Variants in SRD5A2 observed in about 807,000 individuals in gnomAD.
SRD5A2 encodes the protein 3-oxo-5-alpha-steroid 4-dehydrogenase 2.
SRD5A2 carries 30 observed loss-of-function variants against 27.4 expected under a neutral mutation model. The ratio of observed to expected loss-of-function variants is 1.10; its 90% CI spans 0.82 to 1.49. The LOEUF is 1.49. Ranked by LOEUF, SRD5A2 falls within the 40% of genes most tolerant of loss-of-function variation. The probability of loss-of-function intolerance (pLI) is 0.00; values close to 1 mark genes in which losing one functional copy is unlikely to be tolerated. For missense variants in SRD5A2, 348 were observed against 323.4 expected, an observed-to-expected ratio of 1.08 and a Z score of -0.58; for synonymous variants, 141 against 133.6, an observed-to-expected ratio of 1.06 and a Z score of -0.38.
chr2:31,552,876 G>A (rs1453864405), intron 1 of SRD5A2, among the ~76,000 whole-genome samples: 1 of 152,132 alleles, frequency 6.6e-6, no homozygotes, highest in East Asian at 1.9e-4. Context: ...TAAAAAATCT[G>A]GGAAACATGA....
At chr2:31,557,854 C>T (rs1170449425) in intron 1 of SRD5A2, among the ~76,000 whole-genome samples, 1 of 152,200 alleles carries the variant, frequency 6.6e-6, no homozygotes, top group Non-Finnish European at 1.5e-5. Context: ...CGAAAGCAGC[C>T]TCCTAGAGCC....
chr2:31,580,723 A>C lies in SRD5A2; in HGVS notation c.178T>G (p.Ser60Ala). 6.2e-7 allele frequency: 1 copy of C among 1,607,690 alleles called. No homozygotes were observed. Among genetic ancestry groups the C allele is most frequent in the Non-Finnish European group, 8.5e-7 (1 of 1,179,374 alleles). ...AGGATCCCCGCGGGCACCGCGAAGG[A>C]AGGCAGCTCCTGCAGGAACCAGGCG... ...RAAWFLQELP[S>A]FAVPAGILAR... The change falls in exon 1 of 5, where the codon TCC becomes GCC. Residue 60 changes from serine to alanine, a missense_variant. Coordinates refer to ENST00000622030, the MANE Select transcript of SRD5A2 (RefSeq NM_000348.4).
At chr2:31,526,919 C>A (rs1477656285) in intron 4 of SRD5A2, 3 of 152,066 alleles carry the variant, frequency 2.0e-5, no homozygotes, top group East Asian at 3.9e-4. Flanking sequence ...GGAGAAGAGA[C>A]AAAGAGACTG....
upstream of SRD5A2, among the ~76,000 whole-genome samples, chr2:31,583,712 T>C (rs1667127721): frequency 6.6e-6 from 1 of 151,114 alleles, no homozygotes; most frequent in African/African-American, 2.4e-5. Context: ...TAAGTTAATT[T>C]TGTCTGCTTT....
At chr2:31,611,601 T>G in the SRD5A2 span, among the ~76,000 whole-genome samples, 1 of 152,178 alleles carries the variant, frequency 6.6e-6, no homozygotes, top group Non-Finnish European at 1.5e-5. Flanking sequence ...GTGCTCAACA[T>G]AATCCTGAAA....
chr2:31,591,390 C>T, the SRD5A2 span, among the ~76,000 whole-genome samples: 1 of 152,112 alleles, frequency 6.6e-6, no homozygotes, highest in Non-Finnish European at 1.5e-5. Flanking sequence ...CAATAAGATA[C>T]CATCTCACGC....
At chr2:31,572,892 A>T (rs1006334412) in intron 1 of SRD5A2, among the ~76,000 whole-genome samples, 8 of 152,096 alleles carry the variant, frequency 5.3e-5, no homozygotes. Flanking sequence ...AGCAAATATT[A>T]AAAAAAAGAA....
At chr2:31,619,170 T>G in the SRD5A2 span, among the ~76,000 whole-genome samples, 2 of 152,130 alleles carry the variant, frequency 1.3e-5, no homozygotes, top group African/African-American at 4.8e-5. Context: ...TAACAAATGT[T>G]AACAAGGATA....
At chr2:31,534,855 G>T (rs1195544546) in intron 1 of SRD5A2, among the ~76,000 whole-genome samples, 1 of 152,112 alleles carries the variant, frequency 6.6e-6, no homozygotes, top group Admixed American at 6.6e-5. Flanking sequence ...TTCATGTCAG[G>T]GATGTGAGTC....
In SRD5A2 at chr2:31,522,963, A is replaced by G. The variant is rs1354358843; in HGVS notation, c.*3233T>C. On this transcript the variant is annotated 3_prime_UTR_variant, in exon 5 of 5. Transcript: ENST00000622030. ...CAAAAATCCAAGAGAGCTATTATCA[A>G]ACTTCAGGGTTGTAAAACCACGGAT... is the stretch of plus-strand genomic sequence containing the variant. The G allele has an allele frequency of 1.8e-5, 4 of 221,496 alleles. No individual in the cohort carries two copies. 13.7% of individuals were successfully genotyped at this position (221,496 alleles called of 1,614,324 possible).
At chr2:31,535,052 C>T (rs1243492059) in intron 1 of SRD5A2, among the ~76,000 whole-genome samples, 1 of 148,654 alleles carries the variant, frequency 6.7e-6, no homozygotes, top group Admixed American at 6.7e-5. Flanking sequence ...GATAGAGTCT[C>T]ATTCTGTTGC....
chr2:31,526,329 T>TA, intron 4 of SRD5A2, 67 bp from the exon 5 acceptor site: 1 of 1,044,534 alleles, frequency 9.6e-7, no homozygotes, highest in Non-Finnish European at 1.5e-6. Flanking sequence ...GGTTTGCTCT[T>TA]ACCAAATCTT....
intron 1 of SRD5A2, among the ~76,000 whole-genome samples, chr2:31,577,297 T>G (rs986843031): frequency 6.6e-6 from 1 of 151,606 alleles, no homozygotes. Flanking sequence ...CAATAGATTC[T>G]GAAGAGAGGA....
the SRD5A2 span, among the ~76,000 whole-genome samples, chr2:31,657,265 G>A: frequency 1.3e-5 from 2 of 152,154 alleles, no homozygotes; most frequent in African/African-American, 2.4e-5. Flanking sequence ...TGGGTGTGGG[G>A]TATGAGAAAT....
chr2:31,633,083 G>A, the SRD5A2 span, among the ~76,000 whole-genome samples: 1 of 152,044 alleles, frequency 6.6e-6, no homozygotes, highest in African/African-American at 2.4e-5. Context: ...AGATATTGAA[G>A]CCAAAAGAGC....
intron 1 of SRD5A2, among the ~76,000 whole-genome samples, chr2:31,568,098 C>G (rs1316832707): frequency 2.0e-5 from 3 of 152,142 alleles, no homozygotes; most frequent in Admixed American, 6.5e-5. Flanking sequence ...ACTGTGGGCA[C>G]CCACATCTGG....
intron 1 of SRD5A2, among the ~76,000 whole-genome samples, chr2:31,548,109 G>C (rs1666300772): frequency 6.6e-6 from 1 of 151,876 alleles, no homozygotes; most frequent in Non-Finnish European, 1.5e-5. Context: ...ATTGATCAAA[G>C]ACCTAAATAT....
At chr2:31,626,260 G>A in the SRD5A2 span, among the ~76,000 whole-genome samples, 1 of 152,148 alleles carries the variant, frequency 6.6e-6, no homozygotes, top group African/African-American at 2.4e-5. Context: ...ATTTTGGGCT[G>A]AGATGATGGG....
At chr2:31,634,690 C>T in the SRD5A2 span, among the ~76,000 whole-genome samples, 1 of 151,746 alleles carries the variant, frequency 6.6e-6, no homozygotes, top group Non-Finnish European at 1.5e-5. Flanking sequence ...TTGTCTACTC[C>T]CTTCCCTTCC....
Sources: allele counts gnomAD v4.1 joint callset (sites outside exome capture counted in the v4.1 genomes callset), GRCh38; gene constraint gnomAD v4.1.1; transcripts MANE v1.5; gene names NCBI Gene and HGNC (gene_info 2026-07-23, HGNC 2026-07-21).